LONRF2: variants seen among roughly 807,000 people sequenced by gnomAD.
The protein encoded by LONRF2 is LON peptidase N-terminal domain and ring finger 2.
Under a neutral mutation model 66.6 loss-of-function variants are expected in LONRF2, and 35 were observed. The observed-to-expected ratio is 0.53, with a 90% CI of 0.40 to 0.70. The LOEUF is 0.70. LONRF2 is among the 30% of genes least tolerant of loss of function. LONRF2 has a pLI of 0.00. For missense variants in LONRF2, 902 were observed against 1,002.1 expected (o/e 0.90, Z 1.35); for synonymous variants, 417 against 418.1 (o/e 1.00, Z 0.03).
rs188243040 is a variant in LONRF2 at position 100,280,644 on chromosome 2, G to A, written c.*3654C>T. On this transcript the variant is annotated 3_prime_UTR_variant, in exon 12 of 12. Transcript: ENST00000393437. ...AAAAATACAAAAATTAGCTGGGTGT[G>A]GTGGCGCGTGCCTGTAATCCCAGCT... 1.6e-3 allele frequency: 249 copies of A among 152,240 alleles called. No homozygotes were observed. The highest frequency in any genetic ancestry group is 2.9e-3 in the Non-Finnish European group (198 of 68,060). 9.4% of individuals were successfully genotyped at this position (152,240 alleles called of 1,614,324 possible).
chr2:100,316,555 A>C (rs1400433547), intron 1 of LONRF2, among the ~76,000 whole-genome samples: 2 of 152,108 alleles, frequency 1.3e-5, no homozygotes, highest in Admixed American at 6.5e-5. Context: ...TCTGGTTTCA[A>C]TCTTTTAATA....
intron 2 of LONRF2, among the ~76,000 whole-genome samples, chr2:100,303,629 T>C (rs144911553): frequency 0.012 from 1,869 of 152,336 alleles, 22 homozygotes; most frequent in Middle Eastern, 0.027. Flanking sequence ...TGAAATATGT[T>C]GTTCCAATGT....
At chr2:100,302,308 C>T (rs924921238) in intron 3 of LONRF2, among the ~76,000 whole-genome samples, 27 of 152,134 alleles carry the variant, frequency 1.8e-4, no homozygotes, top group African/African-American at 6.3e-4. Context: ...TTTTCTGTTG[C>T]TCCAGAAAAT....
chr2:100,284,970 G>A (rs1439074203), intron 11 of LONRF2, among the ~76,000 whole-genome samples: 2 of 152,160 alleles, frequency 1.3e-5, no homozygotes, highest in Admixed American at 6.5e-5. Context: ...ATGTATGCAT[G>A]TCATATGCAA....
chr2:100,306,121 C>A (rs1039232193), intron 2 of LONRF2, among the ~76,000 whole-genome samples: 3 of 151,968 alleles, frequency 2.0e-5, no homozygotes, highest in African/African-American at 7.3e-5. Flanking sequence ...ACCATGTTGG[C>A]CAGGCTGGTC....
intron 2 of LONRF2, among the ~76,000 whole-genome samples, chr2:100,308,881 T>C (rs1419933930): frequency 6.6e-6 from 1 of 152,206 alleles, no homozygotes; most frequent in Admixed American, 6.5e-5. Flanking sequence ...GCTAAATATC[T>C]ATTAAGTGTA....
At chr2:100,312,204 T>C (rs1215948036) in intron 1 of LONRF2, among the ~76,000 whole-genome samples, 1 of 152,310 alleles carries the variant, frequency 6.6e-6, no homozygotes, top group African/African-American at 2.4e-5. Context: ...GGCTTTTACT[T>C]CTTCATGGAT....
At chr2:100,309,754 C>G (rs542082201) in intron 1 of LONRF2, among the ~76,000 whole-genome samples, 74 of 152,152 alleles carry the variant, frequency 4.9e-4, no homozygotes, top group African/African-American at 1.7e-3. Flanking sequence ...CTCACTGCAA[C>G]CTCTGCCTCC....
chr2:100,322,469 T>G lies in LONRF2; in HGVS notation c.-376A>C. 3 of 164,996 alleles carry G rather than the reference T, an allele frequency of 1.8e-5. No individual in the cohort carries two copies. Among genetic ancestry groups the G allele is most frequent in the Non-Finnish European group, 3.9e-5 (3 of 76,634 alleles). The allele number at this position is 164,996 out of a possible 1,614,324, so 10.2% of individuals were successfully genotyped here. ...TCCAGGTCCGCGTCTCTTGCGATGC[T>G]TCCCCCACTCGCCTGAGGGCTCCTG... On this transcript the variant is annotated 5_prime_UTR_variant, in exon 1 of 12. Transcript: ENST00000393437.
chr2:100,304,179 G>C (rs778430175), intron 2 of LONRF2, among the ~76,000 whole-genome samples: 3 of 151,584 alleles, frequency 2.0e-5, no homozygotes, highest in Non-Finnish European at 2.9e-5. Flanking sequence ...TAGAGACAGG[G>C]TCTCACCCTG....
intron 6 of LONRF2, 136 bp downstream of exon 6, chr2:100,299,090 A>T: frequency 1.2e-6 from 1 of 851,872 alleles, no homozygotes; most frequent in Non-Finnish European, 1.8e-6. Context: ...ATATCTTATT[A>T]AATCTTTAGA....
chr2:100,295,788 G>C (rs767967451), intron 7 of LONRF2, among the ~76,000 whole-genome samples: 1 of 152,168 alleles, frequency 6.6e-6, no homozygotes, highest in Non-Finnish European at 1.5e-5. Flanking sequence ...ACTCAATCTT[G>C]ACAGCATCTA....
Position 100,298,911 on chromosome 2 carries a change from T to C in LONRF2, c.1401A>G (p.Thr467=), listed in dbSNP as rs1333518174. ...AGCGCTCAAGGCATTTTAGGCAAAATGTGTGTCCACAGGGCGTAGTGACAG... is the reference window on the plus strand; with the variant it reads ...AGCGCTCAAGGCATTTTAGGCAAAACGTGTGTCCACAGGGCGTAGTGACAG... The part of the protein sequence containing the change: ...FEPVTTPCGH[T]FCLKCLERCL... Residue 467 remains threonine (T), a synonymous_variant, in exon 7 of 12, where the codon ACA becomes ACG. Coordinates refer to ENST00000393437, the MANE Select transcript of LONRF2 (RefSeq NM_198461.4). The C allele has an allele frequency of 6.2e-7, 1 of 1,614,046 alleles. No individual in the cohort carries two copies. Among genetic ancestry groups the C allele is most frequent in the East Asian group, 2.2e-5 (1 of 44,888 alleles).
intron 1 of LONRF2, among the ~76,000 whole-genome samples, chr2:100,318,057 T>G (rs569969787): frequency 2.0e-5 from 3 of 152,350 alleles, no homozygotes; most frequent in Non-Finnish European, 2.9e-5. Flanking sequence ...ATATTTCTCT[T>G]GCCCTTCCCC....
At chr2:100,286,126 A>AT (rs372086895) in intron 11 of LONRF2, among the ~76,000 whole-genome samples, 123 of 152,320 alleles carry the variant, frequency 8.1e-4, no homozygotes, top group African/African-American at 2.9e-3. Flanking sequence ...GGAAAAAAAA[A>AT]GAATTCAGGC....
Position 100,290,353 on chromosome 2 carries a change from C to A in LONRF2, c.1825G>T (p.Val609Leu). 1 of 1,614,200 alleles carries A rather than the reference C, an allele frequency of 6.2e-7. No individual in the cohort carries two copies. The change falls in exon 10 of 12, where the codon GTA (valine) becomes TTA (leucine). Residue 609 changes from valine (V) to leucine (L), a missense_variant. By Grantham distance (32) the Val-to-Leu change is conservative. This residue lies in a region of LONRF2 where 317 missense variants were observed against 432.2 expected (regional missense o/e 0.73). Transcript: ENST00000393437. ...AACCGACTGATGCCAATCGCGTCTACAACAGAACTTCCATCAGGAAACGTT... is the reference window on the plus strand; with the variant it reads ...AACCGACTGATGCCAATCGCGTCTAAAACAGAACTTCCATCAGGAAACGTT... Reference protein sequence around the residue: ...VRTFPDGSSVVDAIGISRFRV... With the variant: ...VRTFPDGSSVLDAIGISRFRV...
chr2:100,299,666 A>G, intron 5 of LONRF2, 51 bp downstream of exon 5: 1 of 1,420,108 alleles, frequency 7.0e-7, no homozygotes, highest in South Asian at 1.2e-5. Context: ...ACTAGTTAAC[A>G]TTCTATCACT....
intron 10 of LONRF2, 55 bp from the exon 11 acceptor site, chr2:100,287,118 ACAGT>A (rs1674863438): frequency 6.6e-7 from 1 of 1,522,922 alleles, no homozygotes; most frequent in Non-Finnish European, 8.9e-7. Flanking sequence ...TGCACGTAAC[ACAGT>A]CAGCGACCTC....
intron 1 of LONRF2, 33 bp downstream of exon 1, chr2:100,321,382 A>C (rs1180779530): frequency 1.4e-6 from 2 of 1,398,778 alleles, no homozygotes; most frequent in African/African-American, 3.0e-5. Context: ...GGACAGGTGT[A>C]GGGGAGGCGG....
Sources: allele counts gnomAD v4.1 joint callset (sites outside exome capture counted in the v4.1 genomes callset), GRCh38; gene constraint gnomAD v4.1.1; regional missense constraint gnomAD v4.1.1; transcripts MANE v1.5; gene names NCBI Gene and HGNC (gene_info 2026-07-23, HGNC 2026-07-21).